The following GSK3B variants were observed in gnomAD, a reference collection of about 807,000 sequenced individuals.
GSK3B encodes the protein glycogen synthase kinase 3 beta.
GSK3B carries 15 observed loss-of-function variants against 56.4 expected under a neutral mutation model. That is an observed-to-expected ratio of 0.27 (90% CI 0.18 to 0.41). GSK3B has a LOEUF of 0.41. Ranked by LOEUF, GSK3B falls within the 10% of genes least tolerant of loss-of-function variation. GSK3B has a pLI of 1.00. For missense variants in GSK3B, 300 were observed against 513.4 expected, an observed-to-expected ratio of 0.58 and a Z score of 4.02; for synonymous variants, 181 against 188.9, an observed-to-expected ratio of 0.96 and a Z score of 0.34.
intron 9 of GSK3B, among the ~76,000 whole-genome samples, chr3:119,861,550 A>C (rs573876817): frequency 1.1e-4 from 16 of 152,040 alleles, no homozygotes; most frequent in South Asian, 2.1e-4. Context: ...AACAAACAAA[A>C]AAACCAAAAA....
intron 9 of GSK3B, among the ~76,000 whole-genome samples, chr3:119,859,180 T>C (rs1458187469): frequency 1.5e-5 from 1 of 67,524 alleles, no homozygotes. Flanking sequence ...TTTATTTGTG[T>C]ATATAAAAAA....
In GSK3B at chr3:119,827,585, TA is replaced by T. The variant is rs1156408098; in HGVS notation, c.1196-731del. On this transcript the variant is annotated intron_variant, in intron 10 of 10. Transcript: ENST00000264235. ...GGGAGACACAGTAAGATACCGTCTTTAAAAAAAAAAAAAAAAAAAAAAAAGA... is the reference window on the plus strand; with the variant it reads ...GGGAGACACAGTAAGATACCGTCTTTAAAAAAAAAAAAAAAAAAAAAAAGA... Among the ~76,000 whole-genome samples, 335 of 42,086 alleles carry T rather than the reference TA, an allele frequency of 8.0e-3. 4 individuals are homozygous for T. Among genetic ancestry groups the T allele is most frequent in the African/African-American group, 0.026 (301 of 11,534 alleles). 27.6% of individuals were successfully genotyped at this position (42,086 alleles called of 152,430 possible). A position where few individuals can be genotyped will look rare whatever the true frequency, so the allele number is the denominator to read the frequency against.
chr3:119,860,430 C>A (rs2056087254), intron 9 of GSK3B, among the ~76,000 whole-genome samples: 1 of 152,092 alleles, frequency 6.6e-6, no homozygotes, highest in African/African-American at 2.4e-5. Context: ...AATGAGAGGT[C>A]TGATATTCTC....
chr3:119,986,055 G>C (rs564226518), intron 2 of GSK3B, among the ~76,000 whole-genome samples: 3 of 152,224 alleles, frequency 2.0e-5, no homozygotes, highest in African/African-American at 7.2e-5. Context: ...TCTGATCTTT[G>C]ACAAACCTGA....
rs551143252 is a variant in GSK3B, at chr3:119,988,418, T to C, written c.282+13628A>G. ...GAAACTATCTGTGAGTATTCTTAAG[T>C]TACAGTACTTGCATAAGTGCACTAA... is the stretch of plus-strand genomic sequence containing the variant. On this transcript the variant is annotated intron_variant, in intron 2 of 10. Coordinates refer to ENST00000264235, the MANE Select transcript of GSK3B (RefSeq NM_001146156.2). 2.0e-5 allele frequency among the ~76,000 whole-genome samples: 3 copies of C among 152,314 alleles called. No homozygotes were observed. In the South Asian group the frequency reaches 6.2e-4, roughly 32 times the overall value.
intron 1 of GSK3B, among the ~76,000 whole-genome samples, chr3:120,050,999 T>C (rs1355949200): frequency 6.6e-6 from 1 of 152,108 alleles, no homozygotes; most frequent in African/African-American, 2.4e-5. Flanking sequence ...AAAAGCAGTT[T>C]GAGTGAAGTG....
chr3:120,012,052 A>C (rs2057783334), intron 1 of GSK3B, among the ~76,000 whole-genome samples: 1 of 152,232 alleles, frequency 6.6e-6, no homozygotes, highest in Non-Finnish European at 1.5e-5. Context: ...AGGAAGTAAG[A>C]GAATAAATCA....
chr3:119,847,486 CA>C (rs1444782370), intron 9 of GSK3B, among the ~76,000 whole-genome samples: 5 of 151,348 alleles, frequency 3.3e-5, no homozygotes, highest in Admixed American at 6.6e-5. Flanking sequence ...GTCTCAAAAA[CA>C]AAACAAAACA....
At chr3:119,918,263 G>A (rs1172251894) in intron 4 of GSK3B, among the ~76,000 whole-genome samples, 1 of 151,940 alleles carries the variant, frequency 6.6e-6, no homozygotes, top group Non-Finnish European at 1.5e-5. Flanking sequence ...CTGAGCTCAG[G>A]AGTTCGAGAC....
At chr3:120,076,319 C>T (rs972954172) in intron 1 of GSK3B, among the ~76,000 whole-genome samples, 3 of 152,034 alleles carry the variant, frequency 2.0e-5, no homozygotes, top group African/African-American at 7.2e-5. Context: ...TTCCATGACA[C>T]CAAAACACAG....
At chr3:120,090,581 C>T (rs2058503260) in intron 1 of GSK3B, among the ~76,000 whole-genome samples, 1 of 152,140 alleles carries the variant, frequency 6.6e-6, no homozygotes, top group African/African-American at 2.4e-5. Context: ...CACTTCAGTC[C>T]AGTATGAAGT....
At chr3:119,861,954 C>T (rs1180700715) in intron 9 of GSK3B, among the ~76,000 whole-genome samples, 1 of 152,166 alleles carries the variant, frequency 6.6e-6, no homozygotes, top group African/African-American at 2.4e-5. Flanking sequence ...AGACCACACA[C>T]TGTATCTATA....
chr3:119,992,152 T>C (rs2057571771), intron 2 of GSK3B, among the ~76,000 whole-genome samples: 1 of 151,868 alleles, frequency 6.6e-6, no homozygotes, highest in South Asian at 2.1e-4. Context: ...CATGTAAAAA[T>C]AGGTAGGAAA....
At chr3:120,081,317 G>A (rs924221067) in intron 1 of GSK3B, among the ~76,000 whole-genome samples, 2 of 151,596 alleles carry the variant, frequency 1.3e-5, no homozygotes, top group Non-Finnish European at 2.9e-5. Flanking sequence ...CACTTTGGGA[G>A]GCGGGCGGAT....
At chr3:120,045,935 T>C (rs1230881770) in intron 1 of GSK3B, among the ~76,000 whole-genome samples, 1 of 152,142 alleles carries the variant, frequency 6.6e-6, no homozygotes, top group Non-Finnish European at 1.5e-5. Context: ...GAAAAAGACA[T>C]AAAGGAATGT....
At chr3:120,074,710 G>A (rs1288016577) in intron 1 of GSK3B, among the ~76,000 whole-genome samples, 1 of 151,594 alleles carries the variant, frequency 6.6e-6, no homozygotes, top group African/African-American at 2.4e-5. Context: ...GGTTGAATCA[G>A]AAAAAAAATA....
chr3:119,846,485 AACAG>A (rs1188471714), intron 9 of GSK3B, among the ~76,000 whole-genome samples: 4 of 152,378 alleles, frequency 2.6e-5, no homozygotes, highest in African/African-American at 9.6e-5. Context: ...GAAAGATATG[AACAG>A]ACATTTTTCA....
At chr3:119,880,835 AC>A (rs1442389381) in intron 7 of GSK3B, among the ~76,000 whole-genome samples, 2 of 152,162 alleles carry the variant, frequency 1.3e-5, no homozygotes, top group East Asian at 3.9e-4. Flanking sequence ...AGGGAGTAGT[AC>A]TAATAAGCTT....
chr3:119,864,521 A>G (rs1327213978), intron 8 of GSK3B, among the ~76,000 whole-genome samples: 1 of 152,254 alleles, frequency 6.6e-6, no homozygotes, highest in Admixed American at 6.5e-5. Context: ...TGAAACATAT[A>G]TCCCTCGACA....
Sources: gnomAD v4.1 joint callset for allele counts (sites outside exome capture counted in the v4.1 genomes callset) on GRCh38, gnomAD v4.1.1 for gene constraint, MANE v1.5 for transcripts, NCBI Gene and HGNC (gene_info 2026-07-23, HGNC 2026-07-21) for gene names.